Variants in BAMBI observed in about 807,000 individuals in gnomAD.
The protein encoded by BAMBI is BMP and activin membrane-bound inhibitor homolog.
BAMBI carries 21 observed loss-of-function variants against 24.1 expected under a neutral mutation model. The ratio of observed to expected loss-of-function variants is 0.87; its 90% CI spans 0.62 to 1.26. The LOEUF is 1.26. BAMBI is among the 50% of genes most tolerant of loss of function. The pLI, the probability that BAMBI is intolerant of heterozygous loss-of-function variation, is 0.00. For synonymous variants in BAMBI, 156 were observed against 123.1 expected, an observed-to-expected ratio of 1.27 and a Z score of -1.77; for missense variants, 388 against 329.1, an observed-to-expected ratio of 1.18 and a Z score of -1.38.
intron 1 of BAMBI, among the ~76,000 whole-genome samples, chr10:28,679,998 C>CCGGT (rs1486318786): frequency 6.6e-6 from 1 of 152,102 alleles, no homozygotes; most frequent in Non-Finnish European, 1.5e-5. Flanking sequence ...TTAGCAGCGT[C>CCGGT]CGGTGAAAAC....
intron 1 of BAMBI, among the ~76,000 whole-genome samples, chr10:28,680,968 G>A (rs999928420): frequency 6.6e-6 from 1 of 152,144 alleles, no homozygotes; most frequent in Non-Finnish European, 1.5e-5. Flanking sequence ...TATGGTAGGA[G>A]AAATTATACT....
At chr10:28,681,017 A>G (rs1054102571) in intron 1 of BAMBI, among the ~76,000 whole-genome samples, 1 of 152,216 alleles carries the variant, frequency 6.6e-6, no homozygotes, top group African/African-American at 2.4e-5. Flanking sequence ...TTTTTTTAAA[A>G]TGACTCTAAA....
intron 1 of BAMBI, 100 bp from the exon 2 acceptor site, chr10:28,681,158 A>G: frequency 7.7e-7 from 1 of 1,306,774 alleles, no homozygotes; most frequent in East Asian, 2.3e-5. Context: ...TGGATGATCT[A>G]AAAGTTCATG....
At chr10:28,678,493 A>G (rs1486551678) in intron 1 of BAMBI, among the ~76,000 whole-genome samples, 3 of 152,088 alleles carry the variant, frequency 2.0e-5, no homozygotes, top group Admixed American at 6.5e-5. Context: ...CTTTGAATGT[A>G]TCTCTGAATG....
chr10:28,679,585 G>A (rs940093833), intron 1 of BAMBI, among the ~76,000 whole-genome samples: 2 of 151,954 alleles, frequency 1.3e-5, no homozygotes, highest in African/African-American at 4.8e-5. Flanking sequence ...ATTTTATTAG[G>A]CTGTTTTTAG....
At position 28,681,325 on chromosome 10, in the gene BAMBI, C is replaced by T. The variant is rs369069599; in HGVS notation, c.144C>T (p.Leu48=). 1.1e-5 allele frequency: 18 copies of T among 1,613,994 alleles called. No homozygotes were observed. The highest frequency in any genetic ancestry group is 1.4e-5 in the Non-Finnish European group (17 of 1,180,052). ...VATGYMCKSE[L]SACFSRLLDP... ...CTGGTTATATGTGTAAATCTGAGCTCAGCGCCTGCTTCTCTAGACTTCTTG... is the reference window on the plus strand; with the variant it reads ...CTGGTTATATGTGTAAATCTGAGCTTAGCGCCTGCTTCTCTAGACTTCTTG... Residue 48 remains leucine, a synonymous_variant, in exon 2 of 3, where the codon CTC becomes CTT. Transcript: ENST00000375533.
chr10:28,682,041 G>A lies in BAMBI; in HGVS notation c.423G>A (p.Glu141=). 6.2e-7 allele frequency: 1 copy of A among 1,614,188 alleles called. No homozygotes were observed. The highest frequency in any genetic ancestry group is 1.3e-5 in the African/African-American group (1 of 75,050). ...GAAACCTTATCACCAAGGTGCAGGAGCTGACTTCTTCCAAAGAGTTGTGGT... is the reference window on the plus strand; with the variant it reads ...GAAACCTTATCACCAAGGTGCAGGAACTGACTTCTTCCAAAGAGTTGTGGT... ...GSRNLITKVQ[E]LTSSKELWFR... Residue 141 remains glutamate, a synonymous_variant, in exon 3 of 3, where the codon GAG becomes GAA. Coordinates refer to ENST00000375533, the MANE Select transcript of BAMBI (RefSeq NM_012342.3).
chr10:28,680,470 C>G (rs879322151), intron 1 of BAMBI, among the ~76,000 whole-genome samples: 1 of 152,040 alleles, frequency 6.6e-6, no homozygotes, highest in East Asian at 1.9e-4. Context: ...CAGTGTTTCC[C>G]CTTTTAGATC....
Position 28,682,393 on chromosome 10 carries a change from T to TTC in BAMBI, c.776_777dup (p.Val260SerfsTer19). The stretch of plus-strand genomic sequence containing the variant: ...GTACAGTGGGCACGGGAAGCTGGAA[T>TTC]TCGTATGACGGAGTCTTATCTGAAC... On this transcript the variant is annotated frameshift_variant, in exon 3 of 3. Transcript: ENST00000375533. LOFTEE classifies it high-confidence loss of function. 6.2e-7 allele frequency: 1 copy of TTC among 1,609,520 alleles called. No homozygotes were observed. The highest frequency in any genetic ancestry group is 8.5e-7 in the Non-Finnish European group (1 of 1,176,160).
At chr10:28,681,732 T>C in intron 2 of BAMBI, 187 bp downstream of exon 2, 2 of 764,342 alleles carry the variant, frequency 2.6e-6, no homozygotes, top group Non-Finnish European at 4.1e-6. Context: ...GATGTCTGTC[T>C]ACATAATAGG....
chr10:28,682,510 C>T lies in BAMBI; in HGVS notation c.*109C>T. 1.0e-6 allele frequency: 1 copy of T among 995,486 alleles called. No individual in the cohort carries two copies. The highest frequency in any genetic ancestry group is 1.7e-5 in the South Asian group (1 of 58,356). The allele number at this position is 995,486 out of a possible 1,614,324, so 61.7% of individuals were successfully genotyped here. ...AACTCATTTAATCATCTTTGAGAGACAAAATGACCTCTGCAAACAGAATCT... is the reference window on the plus strand; with the variant it reads ...AACTCATTTAATCATCTTTGAGAGATAAAATGACCTCTGCAAACAGAATCT... On this transcript the variant is annotated 3_prime_UTR_variant, in exon 3 of 3. Coordinates refer to ENST00000375533, the MANE Select transcript of BAMBI (RefSeq NM_012342.3).
chr10:28,681,529 CA>C lies in BAMBI; in HGVS notation c.349del (p.Arg117GlyfsTer26), dbSNP rs1431164248. ...RGLHDVLSPP[R>X]GEASGQGNRY... Reference sequence around the variant, plus strand: ...GGCTGCACGATGTTCTCTCTCCTCCCAGGGGTGAGGCCTCAGGTAGGTGGAA... The same window carrying C: ...GGCTGCACGATGTTCTCTCTCCTCCCGGGGTGAGGCCTCAGGTAGGTGGAA... On this transcript the variant is annotated frameshift_variant, in exon 2 of 3. Transcript: ENST00000375533. LOFTEE classifies it high-confidence loss of function. 6.2e-7 allele frequency: 1 copy of C among 1,613,718 alleles called. No homozygotes were observed. Among genetic ancestry groups the C allele is most frequent in the Non-Finnish European group, 8.5e-7 (1 of 1,179,858 alleles).
chr10:28,680,744 C>T (rs953199623), intron 1 of BAMBI, among the ~76,000 whole-genome samples: 4 of 152,192 alleles, frequency 2.6e-5, no homozygotes, highest in Non-Finnish European at 5.9e-5. Context: ...AGTTTTAAAA[C>T]CTCCTGACCT....
At position 28,678,946 on chromosome 10, in the gene BAMBI, C is replaced by T. The variant is rs549987886; in HGVS notation, c.76+973C>T. Among the ~76,000 whole-genome samples, 15 of 152,240 alleles carry T rather than the reference C, an allele frequency of 9.9e-5. No individual in the cohort carries two copies. The South Asian group carries it at 2.7e-3, about 27-fold the overall frequency. ...CCTCACCTCCCTGCTGTGAAATCTA[C>T]CTACTGTTCTGTGAACAGATAATTT... On this transcript the variant is annotated intron_variant, in intron 1 of 2. Coordinates refer to ENST00000375533, the MANE Select transcript of BAMBI (RefSeq NM_012342.3).
chr10:28,679,506 C>T (rs1250546608), intron 1 of BAMBI, among the ~76,000 whole-genome samples: 2 of 151,304 alleles, frequency 1.3e-5, no homozygotes. Context: ...AAAGTCCATT[C>T]TCCTTGCTTA....
chr10:28,677,867 GGCGGGGGCGCCGCGGCCGT>G lies in BAMBI; in HGVS notation c.-24_-6del, dbSNP rs1564438449. On this transcript the variant is annotated 5_prime_UTR_variant, in exon 1 of 3. Coordinates refer to ENST00000375533, the MANE Select transcript of BAMBI (RefSeq NM_012342.3). ...CCGCCGAGCCGGGGCTCCGGAAGCCGGCGGGGGCGCCGCGGCCGTGCGGGGCGTCAATGGATCGCCACTC... is the reference window on the plus strand; with the variant it reads ...CCGCCGAGCCGGGGCTCCGGAAGCCGGCGGGGCGTCAATGGATCGCCACTC... 3 of 1,484,474 alleles carry G rather than the reference GGCGGGGGCGCCGCGGCCGT, an allele frequency of 2.0e-6. No homozygotes were observed. The highest frequency in any genetic ancestry group is 2.2e-5 in the Admixed American group (1 of 46,192). 92.0% of individuals were successfully genotyped at this position (1,484,474 alleles called of 1,614,324 possible). A position where few individuals can be genotyped will look rare whatever the true frequency, so the allele number is the denominator to read the frequency against.
At chr10:28,681,889 T>A (rs1834501652) in intron 2 of BAMBI, 94 bp from the exon 3 acceptor site, 3 of 1,247,394 alleles carry the variant, frequency 2.4e-6, no homozygotes, top group Non-Finnish European at 3.4e-6. Context: ...AAGCTTCTTT[T>A]TAATGGAATT....
rs1030436235 is a variant in BAMBI, at chr10:28,682,336, G to A, written c.718G>A (p.Asp240Asn). The A allele has an allele frequency of 4.3e-6, 7 of 1,613,946 alleles. No homozygotes were observed. In the East Asian group the frequency reaches 6.7e-5, roughly 15 times the overall value. Residue 240 changes from aspartate to asparagine, a missense_variant, in exon 3 of 3, where the codon GAT becomes AAT. By Grantham distance (23) the Asp-to-Asn change is conservative. Transcript: ENST00000375533. The stretch of plus-strand genomic sequence containing the variant: ...AATGAGACAAGCAGACCTCAGCAAC[G>A]ATAAGATCCTCTCGCTTGTTCACTG... ...DKMRQADLSN[D>N]KILSLVHWGM...
At position 28,677,598 on chromosome 10, in the gene BAMBI, C is replaced by T. The variant is rs1054095950; in HGVS notation, c.-300C>T. 2.4e-5 allele frequency: 5 copies of T among 208,256 alleles called. No individual in the cohort carries two copies. The highest frequency in any genetic ancestry group is 5.9e-5 in the Admixed American group (1 of 16,950). The allele number at this position is 208,256 out of a possible 1,614,324, so 12.9% of individuals were successfully genotyped here. A position where few individuals can be genotyped will look rare whatever the true frequency, so the allele number is the denominator to read the frequency against. On this transcript the variant is annotated 5_prime_UTR_variant, in exon 1 of 3. Transcript: ENST00000375533. The stretch of plus-strand genomic sequence containing the variant: ...CTACTCTCTTCGCTGAGAACGGCCG[C>T]TAGCGGGGACTGAAGGCCGGGAGCC...
Sources: gnomAD v4.1 joint callset for allele counts (sites outside exome capture counted in the v4.1 genomes callset) on GRCh38, gnomAD v4.1.1 for gene constraint, MANE v1.5 for transcripts, NCBI Gene and HGNC (gene_info 2026-07-23, HGNC 2026-07-21) for gene names.